Variants in TTC6 observed in about 807,000 individuals in gnomAD.
TTC6 encodes tetratricopeptide repeat domain 6, also known as tetratricopeptide repeat protein 6.
A neutral mutation model predicts 210.4 loss-of-function variants in TTC6; 172 were observed. The observed-to-expected ratio is 0.82, with a 90% CI of 0.72 to 0.93. TTC6 has a LOEUF of 0.93. Among genes scored for constraint, TTC6 ranks in the 40% least tolerant of loss-of-function variants. The pLI is 0.00. For missense variants in TTC6, 2,414 were observed against 2,318.1 expected (o/e 1.04, Z -0.85); for synonymous variants, 804 against 819.6 (o/e 0.98, Z 0.32).
intron 1 of TTC6, among the ~76,000 whole-genome samples, chr14:37,660,176 C>T (rs368392700): frequency 2.2e-4 from 33 of 150,292 alleles, no homozygotes; most frequent in Admixed American, 1.3e-3. Context: ...AATCTTTGGC[C>T]GTTCCTATGT....
upstream of TTC6, among the ~76,000 whole-genome samples, chr14:37,617,867 G>A (rs370966295): frequency 1.6e-4 from 25 of 152,292 alleles, no homozygotes; most frequent in East Asian, 3.7e-3. Context: ...GATGATATTT[G>A]ATTATGGACC....
At chr14:37,629,697 G>A (rs1595033944) in intron 1 of TTC6, among the ~76,000 whole-genome samples, 1 of 152,186 alleles carries the variant, frequency 6.6e-6, no homozygotes, top group East Asian at 1.9e-4. Context: ...TTTTCAAAGG[G>A]AATGCTTCCA....
intron 3 of TTC6, among the ~76,000 whole-genome samples, chr14:37,692,747 T>A (rs1188752360): frequency 6.6e-6 from 1 of 151,742 alleles, no homozygotes; most frequent in Non-Finnish European, 1.5e-5. Flanking sequence ...TAAGCCCAGC[T>A]ACTTGGGAGG....
intron 1 of TTC6, among the ~76,000 whole-genome samples, chr14:37,603,460 C>T (rs1414128019): frequency 6.6e-6 from 1 of 152,198 alleles, no homozygotes; most frequent in Non-Finnish European, 1.5e-5. Flanking sequence ...AGTGGTGAAG[C>T]GACTTTCCCG....
chr14:37,727,944 G>C (rs972656754), intron 7 of TTC6, among the ~76,000 whole-genome samples: 2 of 152,156 alleles, frequency 1.3e-5, no homozygotes, highest in African/African-American at 2.4e-5. Flanking sequence ...AGTTAATTCA[G>C]TGGTATTATT....
intron 1 of TTC6, among the ~76,000 whole-genome samples, chr14:37,604,576 C>T (rs1361343950): frequency 6.6e-6 from 1 of 152,070 alleles, no homozygotes; most frequent in Non-Finnish European, 1.5e-5. Context: ...CGTTGGGTGT[C>T]TGGGCATGCC....
intron 25 of TTC6, among the ~76,000 whole-genome samples, chr14:37,812,826 G>A (rs1470623326): frequency 1.3e-5 from 2 of 152,006 alleles, no homozygotes; most frequent in Non-Finnish European, 2.9e-5. Flanking sequence ...TTTCAAACAG[G>A]GCAGGAAATA....
chr14:37,751,990 A>AT (rs892500919), intron 13 of TTC6, among the ~76,000 whole-genome samples: 41 of 151,424 alleles, frequency 2.7e-4, no homozygotes, highest in African/African-American at 8.7e-4. Flanking sequence ...TGCCCGGTTA[A>AT]TTTTTTTTGT....
rs1051456672 is a variant in TTC6, at chr14:37,713,426, C to T, written c.1572-1229C>T. On this transcript the variant is annotated intron_variant, in intron 5 of 30. Transcript: ENST00000553443. ...GCTAACTTTTGTATTTTAGTAGAGA[C>T]GAGGTTTTGCTATGTTGGCTAGGCT... Among the ~76,000 whole-genome samples, 96 of 152,102 alleles carry T rather than the reference C, an allele frequency of 6.3e-4. 5 individuals carry two copies. The highest frequency in any genetic ancestry group is 1.0e-4 in the Non-Finnish European group (7 of 68,006).
intron 8 of TTC6, 59 bp downstream of exon 10, chr14:37,736,069 T>A (rs758479244): frequency 1.1e-6 from 1 of 882,056 alleles, no homozygotes; most frequent in Non-Finnish European, 1.7e-6. Flanking sequence ...ACAGTCCAGA[T>A]ATTAATTATG....
At chr14:37,674,119 C>A (rs1028079157) in intron 1 of TTC6, among the ~76,000 whole-genome samples, 101 of 151,822 alleles carry the variant, frequency 6.7e-4, no homozygotes, top group African/African-American at 2.3e-3. Context: ...ATGTCTCAGT[C>A]ATTTTTTTTT....
chr14:37,678,903 G>A (rs534022718), intron 1 of TTC6, among the ~76,000 whole-genome samples: 15 of 152,134 alleles, frequency 9.9e-5, no homozygotes, highest in South Asian at 4.1e-4. Flanking sequence ...TTACTAAAAG[G>A]CTAGAAGAAA....
rs34766491 is a variant in TTC6 at position 37,792,776 on chromosome 14, TTGTGTGTGTGTGTGTGTG to T, written c.3708+388_3708+405del. ...AACAATTTGAGTCTATGGTCCAATGTTGTGTGTGTGTGTGTGTGTGTGTGTGTGTGTGTGTGTGTGTGT... is the reference window on the plus strand; with the variant it reads ...AACAATTTGAGTCTATGGTCCAATGTTGTGTGTGTGTGTGTGTGTGTGTGT... On this transcript the variant is annotated intron_variant, in intron 17 of 30. Coordinates refer to ENST00000553443, the Ensembl canonical transcript of TTC6. Among the ~76,000 whole-genome samples the T allele has an allele frequency of 4.9e-3, 682 of 140,116 alleles. 7 individuals carry two copies. The highest frequency in any genetic ancestry group is 0.017 in the African/African-American group (643 of 37,370). 91.9% of individuals were successfully genotyped at this position (140,116 alleles called of 152,430 possible). A position where few individuals can be genotyped will look rare whatever the true frequency, so the allele number is the denominator to read the frequency against.
At chr14:37,775,602 A>G (rs1051949920) in intron 14 of TTC6, among the ~76,000 whole-genome samples, 3 of 151,968 alleles carry the variant, frequency 2.0e-5, no homozygotes, top group Non-Finnish European at 2.9e-5. Flanking sequence ...TGTGGTTGGT[A>G]TGGTGGAGAG....
chr14:37,794,592 C>A (rs192413253), intron 17 of TTC6, among the ~76,000 whole-genome samples: 1 of 150,900 alleles, frequency 6.6e-6, no homozygotes, highest in African/African-American at 2.5e-5. Context: ...TGATGGTAAG[C>A]AGATTACTTT....
chr14:37,773,357 A>G (rs749071736), intron 14 of TTC6, among the ~76,000 whole-genome samples: 9 of 152,184 alleles, frequency 5.9e-5, no homozygotes, highest in Admixed American at 1.3e-4. Flanking sequence ...TGTGTCCAGA[A>G]TGATATTTAC....
At chr14:37,721,437 A>G (rs1255857510) in intron 6 of TTC6, among the ~76,000 whole-genome samples, 2 of 152,176 alleles carry the variant, frequency 1.3e-5, no homozygotes, top group Non-Finnish European at 2.9e-5. Flanking sequence ...AATCATGGTA[A>G]GGGACACATG....
In TTC6 at chr14:37,811,026, G is replaced by C. The variant is rs538271520; in HGVS notation, c.4570-1288G>C. ...TAAGTGATTTTCTCCAAATCAAGGG[G>C]CTAGTAATGATAACAGAGGCATGGC... is the stretch of plus-strand genomic sequence containing the variant. On this transcript the variant is annotated intron_variant, in intron 24 of 30. Coordinates refer to ENST00000553443, the Ensembl canonical transcript of TTC6. Among the ~76,000 whole-genome samples, 5 of 152,302 alleles carry C rather than the reference G, an allele frequency of 3.3e-5. No homozygotes were observed. In the East Asian group the frequency reaches 9.6e-4, roughly 29 times the overall value.
chr14:37,754,880 G>A (rs1415445201), intron 14 of TTC6, among the ~76,000 whole-genome samples: 1 of 152,152 alleles, frequency 6.6e-6, no homozygotes. Context: ...GTGTGCATGT[G>A]TCATTATAGT....
Sources: allele counts gnomAD v4.1 joint callset (sites outside exome capture counted in the v4.1 genomes callset), GRCh38; gene constraint gnomAD v4.1.1; transcripts MANE v1.5; gene names NCBI Gene and HGNC (gene_info 2026-07-23, HGNC 2026-07-21).